Variants in NFASC observed in about 807,000 individuals in gnomAD.
The protein encoded by NFASC is neurofascin.
Under a neutral mutation model 147.5 loss-of-function variants are expected in NFASC, and 43 were observed. The observed-to-expected ratio is 0.29, with a 90% CI of 0.23 to 0.38. NFASC has a LOEUF of 0.38. Ranked by LOEUF, NFASC falls within the 10% of genes least tolerant of loss-of-function variation. The probability of loss-of-function intolerance (pLI) is 1.00; values close to 1 mark genes in which losing one functional copy is unlikely to be tolerated. For missense variants in NFASC, 1,320 were observed against 1,689.0 expected (o/e 0.78, Z 3.83); for synonymous variants, 622 against 665.5 (o/e 0.93, Z 1.01).
intron 1 of NFASC, among the ~76,000 whole-genome samples, chr1:204,906,308 A>G (rs1426381894): frequency 6.6e-6 from 1 of 152,186 alleles, no homozygotes; most frequent in African/African-American, 2.4e-5. Context: ...CACCATAAGC[A>G]AGATACAGAA....
intron 1 of NFASC, among the ~76,000 whole-genome samples, chr1:204,882,309 C>G (rs549018623): frequency 6.6e-6 from 1 of 152,268 alleles, no homozygotes; most frequent in South Asian, 2.1e-4. Context: ...ATCTGGCCCT[C>G]CCTACCCTGC....
At chr1:204,865,561 C>A (rs2077040501) in intron 1 of NFASC, among the ~76,000 whole-genome samples, 2 of 152,196 alleles carry the variant, frequency 1.3e-5, no homozygotes, top group Non-Finnish European at 1.5e-5. Flanking sequence ...GGACTTGGTA[C>A]TCTTGTCAAA....
intron 20 of NFASC, 141 bp from the exon 21 acceptor site, chr1:204,981,657 G>T (rs1012046108): frequency 8.8e-5 from 44 of 497,328 alleles, no homozygotes; most frequent in Non-Finnish European, 1.4e-4. Context: ...TGGGGGATAT[G>T]GTCTTCCCTA....
intron 2 of NFASC, among the ~76,000 whole-genome samples, chr1:204,926,937 C>T (rs377111516): frequency 2.5e-4 from 38 of 151,914 alleles, no homozygotes; most frequent in African/African-American, 8.7e-4. Flanking sequence ...AGCTGGTGCA[C>T]GGCAGCGGGT....
In NFASC at chr1:205,015,682, C is replaced by A. The variant is rs930626700; in HGVS notation, c.3492-626C>A. 2.0e-5 allele frequency among the ~76,000 whole-genome samples: 3 copies of A among 152,148 alleles called. No individual in the cohort carries two copies. Among genetic ancestry groups the A allele is most frequent in the Non-Finnish European group, 4.4e-5 (3 of 68,034 alleles). ...TACCTGTGTGCCCCCCCACCACCAC[C>A]ACTCTTGCGCACCTGTGCTTGCTAG... On this transcript the variant is annotated intron_variant, in intron 29 of 29. Coordinates refer to ENST00000339876, the MANE Select transcript of NFASC (RefSeq NM_001005388.3). This position sits in a 1 kb window ranked among gnomAD's most constrained non-coding sequence, Gnocchi z 4.0.
At chr1:205,014,326 C>T (rs544519145) in intron 29 of NFASC, among the ~76,000 whole-genome samples, 13 of 152,254 alleles carry the variant, frequency 8.5e-5, no homozygotes, top group Non-Finnish European at 1.3e-4. Context: ...CTGGAAGGTC[C>T]GCAGCATCCA....
chr1:204,904,259 G>A (rs536163426), intron 1 of NFASC, among the ~76,000 whole-genome samples: 9 of 152,170 alleles, frequency 5.9e-5, no homozygotes, highest in South Asian at 4.2e-4. Flanking sequence ...AACCAAGCCC[G>A]TCTAATTTTT....
chr1:204,946,898 A>C (rs1573531709), intron 3 of NFASC: 1 of 420,784 alleles, frequency 2.4e-6, no homozygotes. Flanking sequence ...ATGGGATCCC[A>C]CCGCCCCTGA....
At chr1:204,835,038 A>G (rs72755873) in intron 1 of NFASC, among the ~76,000 whole-genome samples, 439 of 152,204 alleles carry the variant, frequency 2.9e-3, no homozygotes, top group Non-Finnish European at 4.6e-3. Flanking sequence ...TTCTGGAGCA[A>G]TGTGGAGGCT....
At chr1:204,981,061 TG>T in intron 20 of NFASC, among the ~76,000 whole-genome samples, 1 of 152,260 alleles carries the variant, frequency 6.6e-6, no homozygotes, top group Non-Finnish European at 1.5e-5. Flanking sequence ...ACGCAGCCAC[TG>T]AAATATTAAC....
At chr1:205,000,998 T>A (rs951593092) in intron 25 of NFASC, among the ~76,000 whole-genome samples, 172 bp from the exon 26 acceptor site, 2 of 150,862 alleles carry the variant, frequency 1.3e-5, no homozygotes, top group African/African-American at 4.9e-5. Flanking sequence ...TGTCAGGCCC[T>A]GTGCACAGCC....
chr1:204,870,780 A>C, intron 1 of NFASC: 1 of 1,166,866 alleles, frequency 8.6e-7, no homozygotes, highest in Non-Finnish European at 1.1e-6. Context: ...GGCTTGAGAT[A>C]ATAAAGCCCT....
In NFASC at chr1:204,835,379, C is replaced by T. The variant is rs1197263093; in HGVS notation, c.-200+6597C>T. 3.3e-5 allele frequency among the ~76,000 whole-genome samples: 5 copies of T among 152,112 alleles called. No individual in the cohort carries two copies. The East Asian group carries it at 9.7e-4, about 30-fold the overall frequency. On this transcript the variant is annotated intron_variant, in intron 1 of 29. Coordinates refer to ENST00000339876, the MANE Select transcript of NFASC (RefSeq NM_001005388.3). ...AGTAGCTGAGACTACAGGCATCCAC[C>T]ACCACACCCCGCTAATTTTTGTATT...
At chr1:204,880,773 C>T (rs2080040721) in intron 1 of NFASC, among the ~76,000 whole-genome samples, 1 of 152,186 alleles carries the variant, frequency 6.6e-6, no homozygotes, top group Admixed American at 6.5e-5. Flanking sequence ...TGACCCCACC[C>T]TGAGTTCCCA....
rs775649988 is a variant in NFASC at position 205,016,504 on chromosome 1, A to G, written c.3688A>G (p.Thr1230Ala). 10 of 1,614,118 alleles carry G rather than the reference A, an allele frequency of 6.2e-6. No individual in the cohort carries two copies. In the South Asian group the frequency reaches 9.9e-5, roughly 16 times the overall value. Residue 1230 changes from threonine (T) to alanine (A), a missense_variant, in exon 30 of 30, where the codon ACG becomes GCG. Thr to Ala is a moderately conservative substitution (Grantham distance 58). This residue lies in a region of NFASC where 167 missense variants were observed against 233.8 expected (regional missense o/e 0.71). Transcript: ENST00000339876. The surrounding 1 kb of genome is among the most constrained non-coding windows in gnomAD (Gnocchi z 5.1). ...ETEGNESSEA[T>A]SPVNAIYSLA The stretch of plus-strand genomic sequence containing the variant: ...AGAGGGCAACGAAAGCTCAGAGGCC[A>G]CGTCACCTGTCAATGCTATCTACTC...
chr1:204,938,779 G>A (rs962985965), intron 2 of NFASC, among the ~76,000 whole-genome samples: 6 of 152,210 alleles, frequency 3.9e-5, no homozygotes, highest in African/African-American at 1.2e-4. Context: ...ATCCCTGTGT[G>A]AGATAACAGG....
chr1:204,841,470 A>G (rs1257466545), intron 1 of NFASC, among the ~76,000 whole-genome samples: 1 of 152,166 alleles, frequency 6.6e-6, no homozygotes, highest in Non-Finnish European at 1.5e-5. Context: ...CTGTTAGGGA[A>G]TGTTAGGATC....
At chr1:204,907,419 G>A (rs2149280362) in intron 1 of NFASC, among the ~76,000 whole-genome samples, 1 of 152,144 alleles carries the variant, frequency 6.6e-6, no homozygotes, top group African/African-American at 2.4e-5. Context: ...CATCCTCTTA[G>A]TAATGTCTCT....
At chr1:204,960,658 C>T (rs1454998359) in intron 8 of NFASC, among the ~76,000 whole-genome samples, 1 of 152,166 alleles carries the variant, frequency 6.6e-6, no homozygotes, top group Non-Finnish European at 1.5e-5. Flanking sequence ...AAGGAAGGGC[C>T]CTGTCATCTG....
Sources: gnomAD v4.1 joint callset for allele counts (sites outside exome capture counted in the v4.1 genomes callset) on GRCh38, gnomAD v4.1.1 for gene constraint, gnomAD v4.1.1 regional missense constraint, Gnocchi (gnomAD v3.1) non-coding constraint, MANE v1.5 for transcripts, NCBI Gene and HGNC (gene_info 2026-07-23, HGNC 2026-07-21) for gene names.